LRIG3: variants seen among roughly 807,000 people sequenced by gnomAD.
LRIG3 encodes the protein leucine rich repeats and immunoglobulin like domains 3.
In LRIG3, 76 loss-of-function variants were observed where a neutral mutation model predicts 114.5. The observed-to-expected ratio is 0.66, with a 90% CI of 0.55 to 0.80. The LOEUF is 0.80. Among genes scored for constraint, LRIG3 ranks in the 30% least tolerant of loss-of-function variants. The probability of loss-of-function intolerance (pLI) is 0.00; values close to 1 mark genes in which losing one functional copy is unlikely to be tolerated. For missense variants in LRIG3, 1,239 were observed against 1,382.8 expected (o/e 0.90, Z 1.65); for synonymous variants, 512 against 519.8 (o/e 0.98, Z 0.20).
intron 3 of LRIG3, among the ~76,000 whole-genome samples, chr12:58,900,983 T>C (rs1328405478): frequency 6.6e-6 from 1 of 152,204 alleles, no homozygotes; most frequent in Non-Finnish European, 1.5e-5. Context: ...TGTCGACATT[T>C]GTATGAACAT....
In LRIG3 at chr12:58,886,859, T is replaced by C. The variant is rs773148001; in HGVS notation, c.1123A>G (p.Ile375Val). 10 of 1,613,496 alleles carry C rather than the reference T, an allele frequency of 6.2e-6. No individual in the cohort carries two copies. The highest frequency in any genetic ancestry group is 2.2e-5 in the East Asian group (1 of 44,872). ...GAGAAAGCACCATTCATGTCTTCAA[T>C]AGTCCAGGAAATTTCATTGTTCTTC... The part of the protein sequence containing the change: ...DLKNNEISWT[I>V]EDMNGAFSGL... Residue 375 changes from isoleucine (I) to valine (V), a missense_variant, in exon 9 of 19, where the codon ATT (isoleucine) becomes GTT (valine). By Grantham distance (29) the Ile-to-Val change is conservative. Coordinates refer to ENST00000320743, the MANE Select transcript of LRIG3 (RefSeq NM_153377.5).
At chr12:58,904,509 G>A (rs11172818) in intron 3 of LRIG3, among the ~76,000 whole-genome samples, 17,633 of 152,180 alleles carry the variant, frequency 0.12, 1,544 homozygotes, top group African/African-American at 0.24. Flanking sequence ...TTCAGGATAA[G>A]TATCGGTAAT....
At chr12:58,911,234 T>C (rs563843827) in intron 3 of LRIG3, among the ~76,000 whole-genome samples, 47 of 152,272 alleles carry the variant, frequency 3.1e-4, no homozygotes, top group African/African-American at 1.1e-3. Context: ...ATTATGAGAA[T>C]AGGTCCCTAA....
At chr12:58,888,201 T>TAA in intron 7 of LRIG3, 128 bp downstream of exon 7, 1 of 1,137,010 alleles carries the variant, frequency 8.8e-7, no homozygotes, top group South Asian at 1.8e-5. Context: ...AAGACTAGGT[T>TAA]GCATGTGAAA....
intron 2 of LRIG3, 60 bp from the exon 3 acceptor site, chr12:58,914,116 G>C: frequency 1.3e-6 from 2 of 1,559,722 alleles, no homozygotes; most frequent in Non-Finnish European, 1.7e-6. Context: ...GTAATTCACA[G>C]AGGTGAAAAC....
intron 3 of LRIG3, 133 bp from the exon 4 acceptor site, chr12:58,890,929 A>G: frequency 2.9e-6 from 2 of 688,014 alleles, no homozygotes; most frequent in South Asian, 2.5e-5. Flanking sequence ...TTAAAAGTTA[A>G]AGAGCAATAC....
chr12:58,912,568 A>C (rs1872324807), intron 3 of LRIG3, among the ~76,000 whole-genome samples: 1 of 152,170 alleles, frequency 6.6e-6, no homozygotes, highest in Non-Finnish European at 1.5e-5. Flanking sequence ...AATGCTCTCA[A>C]CGCTATACCA....
At chr12:58,876,343 A>C in intron 16 of LRIG3, 102 bp downstream of exon 16, 1 of 1,311,808 alleles carries the variant, frequency 7.6e-7, no homozygotes. Flanking sequence ...CAGGTCCTAA[A>C]TGTCAGTGTT....
chr12:58,877,879 T>A (rs1870983789), intron 14 of LRIG3, 27 bp from the exon 15 acceptor site: 1 of 1,572,102 alleles, frequency 6.4e-7, no homozygotes, highest in South Asian at 1.1e-5. Context: ...TGCTTTTAAT[T>A]TCCCAAATAA....
chr12:58,907,037 G>T (rs1211556541), intron 3 of LRIG3, among the ~76,000 whole-genome samples: 1 of 150,522 alleles, frequency 6.6e-6, no homozygotes, highest in Non-Finnish European at 1.5e-5. Context: ...GCTGATCCCT[G>T]CAAACTCACA....
chr12:58,906,421 G>C (rs928052345), intron 3 of LRIG3, among the ~76,000 whole-genome samples: 1 of 152,052 alleles, frequency 6.6e-6, no homozygotes, highest in African/African-American at 2.4e-5. Context: ...TTACTTTAAA[G>C]TTATATGTTG....
In LRIG3 at chr12:58,883,553, T is replaced by C. The variant is rs1358414353; in HGVS notation, c.1283A>G (p.Asn428Ser). The change falls in exon 11 of 19, where the codon AAT (asparagine) becomes AGT (serine). Residue 428 changes from asparagine (N) to serine (S), a missense_variant. By Grantham distance (46) the Asn-to-Ser change is conservative. Coordinates refer to ENST00000320743, the MANE Select transcript of LRIG3 (RefSeq NM_153377.5). ...SDNAIMSLQG[N>S]AFSQMKKLQQ... ...CAGTTTCTTCATTTGTGAAAATGCA[T>C]TGCCTTGTAAAGACATGATTGCGTT... 10 of 1,548,198 alleles carry C rather than the reference T, an allele frequency of 6.5e-6. No individual in the cohort carries two copies. Among genetic ancestry groups the C allele is most frequent in the Admixed American group, 5.1e-5 (3 of 58,858 alleles).
intron 3 of LRIG3, 34 bp downstream of exon 3, chr12:58,913,948 A>G: frequency 1.3e-6 from 2 of 1,579,008 alleles, no homozygotes; most frequent in Non-Finnish European, 1.7e-6. Flanking sequence ...GTTCCTGCAA[A>G]CATACATGAG....
At chr12:58,898,962 T>C (rs1269283463) in intron 3 of LRIG3, among the ~76,000 whole-genome samples, 1 of 152,148 alleles carries the variant, frequency 6.6e-6, no homozygotes, top group Non-Finnish European at 1.5e-5. Context: ...CAGCCTCTCT[T>C]AGGATTTTGA....
intron 1 of LRIG3, among the ~76,000 whole-genome samples, chr12:58,918,858 A>T (rs1872569820): frequency 6.6e-6 from 1 of 152,236 alleles, no homozygotes; most frequent in African/African-American, 2.4e-5. Context: ...AAACACAAGG[A>T]ATATACTTTC....
chr12:58,901,936 T>A (rs1035742141), intron 3 of LRIG3, among the ~76,000 whole-genome samples: 1 of 152,174 alleles, frequency 6.6e-6, no homozygotes, highest in African/African-American at 2.4e-5. Flanking sequence ...GAGAAAAATA[T>A]CTCTTCTGAT....
chr12:58,910,121 GAC>G (rs1872221370), intron 3 of LRIG3, among the ~76,000 whole-genome samples: 1 of 152,110 alleles, frequency 6.6e-6, no homozygotes, highest in African/African-American at 2.4e-5. Flanking sequence ...GACAATGATG[GAC>G]TAAGAAATGC....
chr12:58,902,799 T>C (rs895921073), intron 3 of LRIG3, among the ~76,000 whole-genome samples: 20 of 145,002 alleles, frequency 1.4e-4, no homozygotes, highest in African/African-American at 4.8e-4. Flanking sequence ...AATTCCCATC[T>C]ATGAGTGAGA....
In LRIG3 at chr12:58,888,961, C is replaced by T. The variant is rs777907418; in HGVS notation, c.661G>A (p.Glu221Lys). Reference protein sequence around the residue: ...MFKLPQLQHLELNRNKIKNVD... With the variant: ...MFKLPQLQHLKLNRNKIKNVD... ...TTTTTAATCTTGTTTCGGTTCAATTCGCTGCATTGAGTATTACAAGAGTTA... is the reference window on the plus strand; with the variant it reads ...TTTTTAATCTTGTTTCGGTTCAATTTGCTGCATTGAGTATTACAAGAGTTA... The change falls in exon 6 of 19, where the codon GAA (glutamate) becomes AAA (lysine). Residue 221 changes from glutamate (E) to lysine (K), a missense_variant and splice_region_variant. Transcript: ENST00000320743. The T allele has an allele frequency of 6.8e-6, 11 of 1,612,570 alleles. No individual in the cohort carries two copies. The highest frequency in any genetic ancestry group is 5.3e-5 in the African/African-American group (4 of 74,946).
Sources: gnomAD v4.1 joint callset for allele counts (sites outside exome capture counted in the v4.1 genomes callset) on GRCh38, gnomAD v4.1.1 for gene constraint, MANE v1.5 for transcripts, NCBI Gene and HGNC (gene_info 2026-07-23, HGNC 2026-07-21) for gene names.